The following TARS1 variants were observed in gnomAD, a reference collection of about 807,000 sequenced individuals.
The protein encoded by TARS1 is threonine--tRNA ligase 1, cytoplasmic.
In TARS1, 57 loss-of-function variants were observed where a neutral mutation model predicts 97.7. The ratio of observed to expected loss-of-function variants is 0.58; its 90% CI spans 0.47 to 0.73. TARS1 has a LOEUF of 0.73. Among genes scored for constraint, TARS1 ranks in the 30% least tolerant of loss-of-function variants. The pLI, the probability that TARS1 is intolerant of heterozygous loss-of-function variation, is 0.00. For missense variants in TARS1, 806 were observed against 888.3 expected, an observed-to-expected ratio of 0.91 and a Z score of 1.18; for synonymous variants, 312 against 293.7, an observed-to-expected ratio of 1.06 and a Z score of -0.64.
intron 1 of TARS1, 50 bp from the exon 2 acceptor site, chr5:33,445,274 A>T (rs375561808): frequency 1.4e-6 from 2 of 1,409,358 alleles, no homozygotes; most frequent in African/African-American, 2.9e-5. Flanking sequence ...GCATCACAGG[A>T]TGGAGGTGTC....
At chr5:33,443,341 C>CTCTCTCTCTT (rs1741230069) in intron 1 of TARS1, among the ~76,000 whole-genome samples, 3 of 150,444 alleles carry the variant, frequency 2.0e-5, no homozygotes, top group African/African-American at 7.4e-5. Context: ...CTCTCTCTCT[C>CTCTCTCTCTT]TCTCTCTCTC....
At position 33,458,577 on chromosome 5, in the gene TARS1, A is replaced by G. The variant is rs760365305; in HGVS notation, c.996A>G (p.Leu332=). ...TTTCTTTTACCCAGGACCAAGAACT[A>G]TATTTCTTTCATGAACTCAGCCCTG... is the stretch of plus-strand genomic sequence containing the variant. ...DHRKIGRDQE[L]YFFHELSPGS... The change falls in exon 10 of 19, where the codon CTA becomes CTG. Residue 332 remains leucine, a synonymous_variant. Coordinates refer to ENST00000265112, the MANE Select transcript of TARS1 (RefSeq NM_152295.5). The G allele has an allele frequency of 8.1e-6, 13 of 1,613,028 alleles. No homozygotes were observed. The Admixed American group carries it at 1.2e-4, about 15-fold the overall frequency.
chr5:33,446,777 A>G, intron 2 of TARS1: 7 of 1,282,226 alleles, frequency 5.5e-6, no homozygotes, highest in Non-Finnish European at 7.1e-6. Context: ...GGGTAGGATT[A>G]TAATGATGCT....
upstream of TARS1, chr5:33,440,785 A>G (rs1221785750): frequency 2.2e-5 from 11 of 496,402 alleles, no homozygotes; most frequent in Admixed American, 3.6e-4. Flanking sequence ...AGGTCAGCGG[A>G]GAGTAGGCAT....
chr5:33,459,979 T>A, intron 11 of TARS1, 118 bp downstream of exon 11: 1 of 1,122,696 alleles, frequency 8.9e-7, no homozygotes, highest in Non-Finnish European at 1.3e-6. Context: ...GAAGAGCATT[T>A]AAACGCAACA....
rs1453030812 is a variant in TARS1 at position 33,467,966 on chromosome 5, A to C, written c.*258A>C. ...GAGTACTGGAAGTGAAACATGAGGA[A>C]TGCTTTAGTGTAATGTGGGAGAACT... On this transcript the variant is annotated 3_prime_UTR_variant, in exon 19 of 19. Coordinates refer to ENST00000265112, the MANE Select transcript of TARS1 (RefSeq NM_152295.5). 2 of 350,082 alleles carry C rather than the reference A, an allele frequency of 5.7e-6. No individual in the cohort carries two copies. The highest frequency in any genetic ancestry group is 9.6e-5 in the East Asian group (2 of 20,942). 21.7% of individuals were successfully genotyped at this position (350,082 alleles called of 1,614,324 possible). A position where few individuals can be genotyped will look rare whatever the true frequency, so the allele number is the denominator to read the frequency against.
In TARS1 at chr5:33,462,321, C is replaced by T. The variant is rs556926355; in HGVS notation, c.1835+118C>T. Reference sequence around the variant, plus strand: ...AATGATTCCAATCGGTTGCTTCTAACTAACGACAAGTGTTCATTAAAAAAT... The same window carrying T: ...AATGATTCCAATCGGTTGCTTCTAATTAACGACAAGTGTTCATTAAAAAAT... On this transcript the variant is annotated intron_variant, in intron 16 of 18. Coordinates refer to ENST00000265112, the MANE Select transcript of TARS1 (RefSeq NM_152295.5). The T allele has an allele frequency of 1.2e-4, 112 of 912,846 alleles. 2 individuals carry two copies. Among genetic ancestry groups the T allele is most frequent in the Middle Eastern group, 3.5e-4 (1 of 2,832 alleles). The allele number at this position is 912,846 out of a possible 1,614,324, so 56.5% of individuals were successfully genotyped here.
At chr5:33,452,362 C>A (rs1049066341) in intron 3 of TARS1, 35 of 1,535,344 alleles carry the variant, frequency 2.3e-5, no homozygotes, top group Non-Finnish European at 2.4e-5. Flanking sequence ...CCTGCAAAAA[C>A]CTCTCTTCAC....
chr5:33,467,742 G>A lies in TARS1; in HGVS notation c.*34G>A. 6.3e-7 allele frequency: 1 copy of A among 1,590,508 alleles called. No individual in the cohort carries two copies. Among genetic ancestry groups the A allele is most frequent in the Non-Finnish European group, 8.5e-7 (1 of 1,170,516 alleles). On this transcript the variant is annotated 3_prime_UTR_variant, in exon 19 of 19. Transcript: ENST00000265112. ...TTACCCAGATTGGCTCCATGGAAAA[G>A]GAGGAACAGCGTTTCCGTAAAATTG... is the stretch of plus-strand genomic sequence containing the variant.
intron 13 of TARS1, 50 bp downstream of exon 13, chr5:33,461,345 G>T: frequency 6.4e-7 from 1 of 1,570,006 alleles, no homozygotes; most frequent in South Asian, 1.2e-5. Context: ...AAATTGGCTT[G>T]TTCTGAGATG....
upstream of TARS1, chr5:33,440,773 C>T (rs1741036163): frequency 6.2e-6 from 3 of 483,394 alleles, no homozygotes; most frequent in Non-Finnish European, 1.1e-5. Context: ...GCGTCCAGAC[C>T]AAGGTCAGCG....
chr5:33,453,174 A>G, intron 3 of TARS1, 115 bp from the exon 4 acceptor site: 2 of 1,209,526 alleles, frequency 1.7e-6, no homozygotes, highest in Non-Finnish European at 2.1e-6. Flanking sequence ...AAATAGAGAT[A>G]CATCAATATA....
At chr5:33,442,320 CTTTTT>C (rs763508345) in intron 1 of TARS1, among the ~76,000 whole-genome samples, 14 of 104,610 alleles carry the variant, frequency 1.3e-4, no homozygotes, top group African/African-American at 3.9e-4. Context: ...TGTTTTGTAA[CTTTTT>C]TTTTTTTTTT....
chr5:33,451,293 T>C (rs1741718686), intron 3 of TARS1, among the ~76,000 whole-genome samples: 1 of 152,074 alleles, frequency 6.6e-6, no homozygotes, highest in African/African-American at 2.4e-5. Context: ...ACATAATTAG[T>C]GGTGAATATG....
At chr5:33,455,734 C>T (rs1476636804) in intron 6 of TARS1, 30 bp downstream of exon 6, 2 of 1,415,402 alleles carry the variant, frequency 1.4e-6, no homozygotes, top group Non-Finnish European at 2.0e-6. Context: ...GTGGCCCCCA[C>T]TGTTAATATC....
At chr5:33,464,252 A>C (rs553141357) in intron 17 of TARS1, among the ~76,000 whole-genome samples, 2 of 152,240 alleles carry the variant, frequency 1.3e-5, no homozygotes, top group Admixed American at 6.5e-5. Context: ...ATTTTAAAAA[A>C]CCAGATTAGC....
chr5:33,449,319 A>ATG (rs1420344769), intron 3 of TARS1, among the ~76,000 whole-genome samples: 44 of 141,002 alleles, frequency 3.1e-4, no homozygotes, highest in African/African-American at 9.9e-4. Context: ...ATATATGTGT[A>ATG]TATATATACG....
intron 6 of TARS1, 29 bp downstream of exon 6, chr5:33,455,733 A>T (rs1374174985): frequency 1.4e-6 from 2 of 1,430,388 alleles, no homozygotes; most frequent in Non-Finnish European, 2.0e-6. Context: ...CGTGGCCCCC[A>T]CTGTTAATAT....
chr5:33,460,852 A>G (rs762966441), intron 11 of TARS1, 50 bp from the exon 12 acceptor site: 4 of 1,603,944 alleles, frequency 2.5e-6, no homozygotes, highest in Non-Finnish European at 3.4e-6. Context: ...ATAGCATTAC[A>G]GAAGCAGTTT....
Sources: allele counts gnomAD v4.1 joint callset (sites outside exome capture counted in the v4.1 genomes callset), GRCh38; gene constraint gnomAD v4.1.1; transcripts MANE v1.5; gene names NCBI Gene and HGNC (gene_info 2026-07-23, HGNC 2026-07-21).